The following SELENOF variants were observed in gnomAD, a reference collection of about 807,000 sequenced individuals.
SELENOF encodes selenoprotein F.
Under a neutral mutation model 20.5 loss-of-function variants are expected in SELENOF, and 16 were observed. The ratio of observed to expected loss-of-function variants is 0.78; its 90% confidence interval spans 0.53 to 1.19. The LOEUF (loss-of-function observed/expected upper bound fraction) is 1.19, where lower values mean the gene tolerates loss of function less well. Ranked by LOEUF, SELENOF falls within the 50% of genes most tolerant of loss-of-function variation. The pLI is 0.00. For synonymous variants in SELENOF, 78 were observed against 74.5 expected (o/e 1.05, Z -0.24); for missense variants, 215 against 194.2 (o/e 1.11, Z -0.64).
intron 2 of SELENOF, among the ~76,000 whole-genome samples, chr1:86,902,486 T>C (rs1026265619): frequency 6.6e-6 from 1 of 152,132 alleles, no homozygotes; most frequent in African/African-American, 2.4e-5. Context: ...TTACAAACCA[T>C]AATACTTCAA....
intron 1 of SELENOF, among the ~76,000 whole-genome samples, chr1:86,910,572 C>T (rs1473032310): frequency 1.9e-5 from 2 of 105,366 alleles, no homozygotes; most frequent in Non-Finnish European, 4.1e-5. Flanking sequence ...TGCGTGGTGG[C>T]GTGCACCTGT....
chr1:86,881,180 A>T (rs1659058415), intron 2 of SELENOF, among the ~76,000 whole-genome samples: 2 of 149,126 alleles, frequency 1.3e-5, no homozygotes, highest in African/African-American at 4.9e-5. Flanking sequence ...AATTAAAACA[A>T]TCGTTATAGA....
chr1:86,877,458 AT>A (rs1411814544), intron 3 of SELENOF, among the ~76,000 whole-genome samples: 5 of 152,152 alleles, frequency 3.3e-5, no homozygotes, highest in Non-Finnish European at 5.9e-5. Context: ...TAAATGTTTT[AT>A]TTTTTGGATT....
intron 1 of SELENOF, among the ~76,000 whole-genome samples, chr1:86,910,158 T>C (rs1053024081): frequency 6.6e-6 from 1 of 152,216 alleles, no homozygotes; most frequent in Non-Finnish European, 1.5e-5. Flanking sequence ...TAGTCAGTTA[T>C]TAGAAGTTAA....
Position 86,914,045 on chromosome 1 carries a change from CCAA to C in SELENOF, c.64_66del (p.Leu22del). 6 of 1,613,950 alleles carry C rather than the reference CCAA, an allele frequency of 3.7e-6. No homozygotes were observed. The highest frequency in any genetic ancestry group is 3.4e-6 in the Non-Finnish European group (4 of 1,179,858). The stretch of plus-strand genomic sequence containing the variant: ...ACACTCACCGCTTGAAGCACAGTCG[CCAA>C]CAACAACCGTAGCCCAAACGCCGGC... On this transcript the variant is annotated inframe_deletion, in exon 1 of 5. Coordinates refer to ENST00000331835, the MANE Select transcript of SELENOF (RefSeq NM_004261.5).
chr1:86,873,852 CA>C (rs56407738), intron 3 of SELENOF, among the ~76,000 whole-genome samples: 101,003 of 131,474 alleles, frequency 0.77, 38,622 homozygotes, highest in East Asian at 0.97. Flanking sequence ...AACTCCGTCT[CA>C]AAAAAAAAAA....
At chr1:86,888,126 G>A (rs1659274489) in intron 2 of SELENOF, among the ~76,000 whole-genome samples, 1 of 152,090 alleles carries the variant, frequency 6.6e-6, no homozygotes, top group African/African-American at 2.4e-5. Context: ...CAGGCATGAT[G>A]GCGGGTGCCT....
chr1:86,893,941 TATA>T (rs1206308957), intron 2 of SELENOF, among the ~76,000 whole-genome samples: 1 of 152,246 alleles, frequency 6.6e-6, no homozygotes, highest in Non-Finnish European at 1.5e-5. Context: ...TCAATTCTAG[TATA>T]ATAAGATTAA....
chr1:86,896,933 A>C (rs1490037976), intron 2 of SELENOF, among the ~76,000 whole-genome samples: 1 of 152,224 alleles, frequency 6.6e-6, no homozygotes, highest in African/African-American at 2.4e-5. Flanking sequence ...GTTCTTAGTA[A>C]AAACAGCCTT....
intron 2 of SELENOF, among the ~76,000 whole-genome samples, chr1:86,891,150 A>T (rs1356119834): frequency 6.6e-6 from 1 of 151,666 alleles, no homozygotes; most frequent in Non-Finnish European, 1.5e-5. Context: ...CCTGGGTTCA[A>T]GCGATTCTCC....
chr1:86,870,758 A>G (rs1014653188), intron 3 of SELENOF, among the ~76,000 whole-genome samples: 11 of 152,084 alleles, frequency 7.2e-5, no homozygotes, highest in Non-Finnish European at 1.2e-4. Flanking sequence ...AGCTGGGACT[A>G]CAGGCACCCG....
At chr1:86,914,157 C>G, upstream of SELENOF, 1 of 1,553,298 alleles carries the variant, frequency 6.4e-7, no homozygotes, top group Non-Finnish European at 8.9e-7. Flanking sequence ...AAGCTAGGGG[C>G]GTCCACTCCA....
At chr1:86,910,296 G>A (rs1659946590) in intron 1 of SELENOF, among the ~76,000 whole-genome samples, 1 of 152,182 alleles carries the variant, frequency 6.6e-6, no homozygotes, top group Non-Finnish European at 1.5e-5. Flanking sequence ...AATATTTGGT[G>A]GAATGGTGTG....
chr1:86,876,173 T>A (rs560477319), intron 3 of SELENOF, among the ~76,000 whole-genome samples: 2 of 151,110 alleles, frequency 1.3e-5, no homozygotes, highest in African/African-American at 4.9e-5. Flanking sequence ...TGATTGAAAA[T>A]ACAGAAAAGA....
intron 1 of SELENOF, among the ~76,000 whole-genome samples, chr1:86,905,567 T>C (rs1008154516): frequency 6.6e-6 from 1 of 152,202 alleles, no homozygotes; most frequent in African/African-American, 2.4e-5. Context: ...CACTGTACTA[T>C]GTAAATCTGA....
chr1:86,873,996 C>G (rs951067097), intron 3 of SELENOF, among the ~76,000 whole-genome samples: 8 of 151,780 alleles, frequency 5.3e-5, no homozygotes, highest in African/African-American at 1.9e-4. Context: ...TCTTCTCTAC[C>G]ATTATGGGCA....
chr1:86,867,490 T>TCAACAACAACAACAACAA (rs71082044), intron 4 of SELENOF, among the ~76,000 whole-genome samples: 36 of 147,808 alleles, frequency 2.4e-4, no homozygotes, highest in African/African-American at 9.0e-4. Context: ...AGACTCCGTC[T>TCAACAACAACAACAACAA]CAACAACAAC....
chr1:86,867,036 A>C (rs1292586904), intron 4 of SELENOF, among the ~76,000 whole-genome samples: 1 of 152,246 alleles, frequency 6.6e-6, no homozygotes. Flanking sequence ...AAATTGCCCC[A>C]AATTGGAAGC....
chr1:86,879,878 T>C (rs1659018442), intron 3 of SELENOF, among the ~76,000 whole-genome samples: 1 of 152,218 alleles, frequency 6.6e-6, no homozygotes, highest in South Asian at 2.1e-4. Context: ...GATATATACA[T>C]ATGACTTTCT....
Sources: allele counts gnomAD v4.1 joint callset (sites outside exome capture counted in the v4.1 genomes callset), GRCh38; gene constraint gnomAD v4.1.1; transcripts MANE v1.5; gene names NCBI Gene and HGNC (gene_info 2026-07-23, HGNC 2026-07-21).